Variants in FRYL observed in about 807,000 individuals in gnomAD.
The protein encoded by FRYL is protein furry homolog-like.
FRYL carries 150 observed loss-of-function variants against 351.2 expected under a neutral mutation model. The observed-to-expected ratio is 0.43, with a 90% CI of 0.37 to 0.49. FRYL has a LOEUF of 0.49. Among genes scored for constraint, FRYL ranks in the 20% least tolerant of loss-of-function variants. The pLI, the probability that FRYL is intolerant of heterozygous loss-of-function variation, is 0.00. For missense variants in FRYL, 3,036 were observed against 3,619.3 expected (o/e 0.84, Z 4.13); for synonymous variants, 1,153 against 1,257.1 (o/e 0.92, Z 1.75).
chr4:48,677,309 G>C (rs906272560), intron 3 of FRYL, among the ~76,000 whole-genome samples: 5 of 151,970 alleles, frequency 3.3e-5, no homozygotes, highest in African/African-American at 1.2e-4. Context: ...TTCTAAGCTA[G>C]ACTTATTCTC....
At chr4:48,728,229 T>C (rs1242710798) in intron 1 of FRYL, among the ~76,000 whole-genome samples, 1 of 152,116 alleles carries the variant, frequency 6.6e-6, no homozygotes, top group Non-Finnish European at 1.5e-5. Flanking sequence ...CTGATTAACA[T>C]GCTAAGAGCT....
chr4:48,701,459 G>A (rs921795562), intron 2 of FRYL, among the ~76,000 whole-genome samples: 3 of 152,038 alleles, frequency 2.0e-5, no homozygotes, highest in Non-Finnish European at 2.9e-5. Context: ...AGGAAGAAAA[G>A]GAGAGGAAAA....
intron 4 of FRYL, among the ~76,000 whole-genome samples, chr4:48,624,229 T>C (rs1348319691): frequency 6.6e-6 from 1 of 152,156 alleles, no homozygotes; most frequent in Non-Finnish European, 1.5e-5. Flanking sequence ...TCCTATCACA[T>C]ACCAGAATAT....
At chr4:48,714,705 T>G (rs1768537687) in intron 1 of FRYL, among the ~76,000 whole-genome samples, 1 of 150,756 alleles carries the variant, frequency 6.6e-6, no homozygotes, top group Non-Finnish European at 1.5e-5. Context: ...AAGGAGGAAC[T>G]GGTACCATTC....
At chr4:48,514,092 T>A (rs1723036224) in intron 56 of FRYL, among the ~76,000 whole-genome samples, 1 of 152,090 alleles carries the variant, frequency 6.6e-6, no homozygotes, top group African/African-American at 2.4e-5. Context: ...TAAAAAAAAA[T>A]CTCCAATGTG....
rs1737047112 is a variant in FRYL, at chr4:48,567,503, A to G, written c.2997-83T>C. The G allele has an allele frequency of 2.0e-6, 2 of 978,476 alleles. No homozygotes were observed. Among genetic ancestry groups the G allele is most frequent in the African/African-American group, 1.7e-5 (1 of 60,004 alleles). 60.6% of individuals were successfully genotyped at this position (978,476 alleles called of 1,614,324 possible). A position where few individuals can be genotyped will look rare whatever the true frequency, so the allele number is the denominator to read the frequency against. On this transcript the variant is annotated intron_variant, in intron 27 of 63. Coordinates refer to ENST00000358350, the MANE Select transcript of FRYL (RefSeq NM_015030.2). This position sits in a 1 kb window ranked among gnomAD's most constrained non-coding sequence, Gnocchi z 4.2. ...AAAATTCTTAATACTCAAAATCAGA[A>G]TAATACATGTTAATTTTGCATGCTC... is the stretch of plus-strand genomic sequence containing the variant.
intron 4 of FRYL, among the ~76,000 whole-genome samples, chr4:48,628,342 T>C (rs1214119834): frequency 6.6e-6 from 1 of 152,072 alleles, no homozygotes; most frequent in Non-Finnish European, 1.5e-5. Context: ...TATTGGCTGA[T>C]ACATAATAAT....
At chr4:48,532,962 A>G (rs1728002962) in intron 49 of FRYL, among the ~76,000 whole-genome samples, 2 of 152,210 alleles carry the variant, frequency 1.3e-5, no homozygotes. Context: ...TTGAGTCAAC[A>G]TTTTAAAATC....
At chr4:48,536,052 T>A (rs1216151885) in intron 47 of FRYL, among the ~76,000 whole-genome samples, 2 of 152,234 alleles carry the variant, frequency 1.3e-5, no homozygotes, top group African/African-American at 2.4e-5. Context: ...TTGTGGGTAC[T>A]AAATAGTACG....
At chr4:48,595,839 T>C in intron 14 of FRYL, 58 bp downstream of exon 14, 2 of 1,200,484 alleles carry the variant, frequency 1.7e-6, no homozygotes, top group South Asian at 1.4e-5. Context: ...TTCCCAATAG[T>C]GTGTTTTTTT....
chr4:48,580,997 G>C (rs757398539), intron 21 of FRYL, 46 bp from the exon 22 acceptor site: 1 of 1,258,838 alleles, frequency 7.9e-7, no homozygotes, highest in South Asian at 1.4e-5. Flanking sequence ...GAATGTTTAA[G>C]CAAAGTAGCC....
At chr4:48,601,028 T>G (rs1377563544) in intron 13 of FRYL, among the ~76,000 whole-genome samples, 1 of 152,098 alleles carries the variant, frequency 6.6e-6, no homozygotes. Context: ...GTTTTGAAAA[T>G]TATACATAAA....
At chr4:48,606,732 T>C (rs1746925192) in intron 9 of FRYL, 126 bp from the exon 10 acceptor site, 5 of 638,058 alleles carry the variant, frequency 7.8e-6, no homozygotes, top group Non-Finnish European at 1.2e-5. Context: ...TTCATTACAA[T>C]TGCCAGAAAG....
intron 1 of FRYL, among the ~76,000 whole-genome samples, chr4:48,711,428 A>G (rs1477223668): frequency 1.3e-5 from 2 of 152,290 alleles, no homozygotes; most frequent in African/African-American, 2.4e-5. Flanking sequence ...CACATGGCTC[A>G]GAGGGTCCTA....
chr4:48,614,233 T>TA (rs576774557), intron 7 of FRYL, among the ~76,000 whole-genome samples: 6 of 150,024 alleles, frequency 4.0e-5, no homozygotes, highest in African/African-American at 7.3e-5. Context: ...TTCAGTAGTT[T>TA]AAAAAAAAAA....
intron 2 of FRYL, among the ~76,000 whole-genome samples, chr4:48,697,079 G>C (rs1766265779): frequency 1.3e-5 from 2 of 152,038 alleles, no homozygotes; most frequent in South Asian, 4.1e-4. Flanking sequence ...AAGAATAAAG[G>C]AAGCTACATC....
chr4:48,745,470 G>A (rs1340824559), intron 1 of FRYL, among the ~76,000 whole-genome samples: 7 of 152,142 alleles, frequency 4.6e-5, no homozygotes, highest in Non-Finnish European at 1.0e-4. Flanking sequence ...GGATGAACTG[G>A]AAACCATCAT....
chr4:48,544,760 C>T, intron 43 of FRYL, 23 bp downstream of exon 43: 2 of 1,554,040 alleles, frequency 1.3e-6, no homozygotes. Flanking sequence ...GTCACTAAAA[C>T]TAAAATATTT....
chr4:48,686,703 T>C (rs1422263247), intron 2 of FRYL, among the ~76,000 whole-genome samples: 1 of 152,264 alleles, frequency 6.6e-6, no homozygotes, highest in Admixed American at 6.5e-5. Flanking sequence ...TGTACCACCA[T>C]GTCTAGGTAT....
Sources: allele counts gnomAD v4.1 joint callset (sites outside exome capture counted in the v4.1 genomes callset), GRCh38; gene constraint gnomAD v4.1.1; non-coding constraint Gnocchi (gnomAD v3.1); transcripts MANE v1.5; gene names NCBI Gene and HGNC (gene_info 2026-07-23, HGNC 2026-07-21).